Variants in TEX9 observed in about 807,000 individuals in gnomAD.
TEX9 encodes the protein testis expressed 9, also known as testis-expressed protein 9.
In TEX9, 74 loss-of-function variants were observed where a neutral mutation model predicts 59.6. The observed-to-expected ratio is 1.24, with a 90% confidence interval of 1.03 to 1.51. TEX9 has a LOEUF of 1.51. Ranked by LOEUF, TEX9 falls within the 40% of genes most tolerant of loss-of-function variation. The probability of loss-of-function intolerance (pLI) is 0.00; values close to 1 mark genes in which losing one functional copy is unlikely to be tolerated. For synonymous variants in TEX9, 186 were observed against 152.2 expected (o/e 1.22, Z -1.64); for missense variants, 522 against 447.8 (o/e 1.17, Z -1.49).
At chr15:56,370,846 C>A (rs1278074281) in intron 2 of TEX9, among the ~76,000 whole-genome samples, 1 of 152,028 alleles carries the variant, frequency 6.6e-6, no homozygotes, top group African/African-American at 2.4e-5. Context: ...TCATTCTCTC[C>A]TCTTGGGATT....
At chr15:56,260,836 G>A (rs2044249519) in intron 1 of TEX9, among the ~76,000 whole-genome samples, 1 of 151,824 alleles carries the variant, frequency 6.6e-6, no homozygotes, top group Non-Finnish European at 1.5e-5. Flanking sequence ...TTTCTTAAAT[G>A]TTTTGGAGAA....
intron 4 of TEX9, among the ~76,000 whole-genome samples, chr15:56,387,812 C>CA (rs1211908495): frequency 1.3e-5 from 2 of 151,920 alleles, no homozygotes; most frequent in East Asian, 3.8e-4. Flanking sequence ...ATAGATAATA[C>CA]ATAAATGAGT....
intron 1 of TEX9, among the ~76,000 whole-genome samples, chr15:56,327,614 A>G (rs2046046736): frequency 6.6e-6 from 1 of 152,184 alleles, no homozygotes; most frequent in Non-Finnish European, 1.5e-5. Context: ...AAGAAAGACA[A>G]TCTCGAACTG....
downstream of TEX9, chr15:56,446,761 T>G (rs2050907425): frequency 1.9e-6 from 2 of 1,039,668 alleles, no homozygotes; most frequent in Non-Finnish European, 2.9e-6. Flanking sequence ...CTTTATACAA[T>G]ATGACAATTT....
At chr15:56,431,565 ACTACT>A in intron 12 of TEX9, 1 of 1,525,968 alleles carries the variant, frequency 6.6e-7, no homozygotes, top group South Asian at 1.2e-5. Flanking sequence ...TTCAAATAAA[ACTACT>A]CATGCAATGA....
chr15:56,394,650 TA>T lies in TEX9; in HGVS notation c.655-10del. 6.5e-7 allele frequency: 1 copy of T among 1,529,002 alleles called. No homozygotes were observed. The highest frequency in any genetic ancestry group is 1.2e-5 in the South Asian group (1 of 83,016). 94.7% of individuals were successfully genotyped at this position (1,529,002 alleles called of 1,614,324 possible). Reference sequence around the variant, plus strand: ...TATTTTTTCACATAATCTATAACTTTATAACTATAGGAGGATGAAATTCAGA... The same window carrying T: ...TATTTTTTCACATAATCTATAACTTTTAACTATAGGAGGATGAAATTCAGA... On this transcript the variant is annotated splice_polypyrimidine_tract_variant and intron_variant, in intron 8 of 12. Coordinates refer to ENST00000352903, the Ensembl canonical transcript of TEX9.
intron 2 of TEX9, among the ~76,000 whole-genome samples, chr15:56,371,018 G>A (rs1275349724): frequency 6.6e-6 from 1 of 151,990 alleles, no homozygotes; most frequent in Non-Finnish European, 1.5e-5. Flanking sequence ...CACCACACCT[G>A]GCTAATTTTT....
chr15:56,296,923 C>T (rs977999656), intron 1 of TEX9, among the ~76,000 whole-genome samples: 4 of 151,756 alleles, frequency 2.6e-5, no homozygotes, highest in South Asian at 2.1e-4. Context: ...GAATATTGAA[C>T]GTAGATGTTA....
intron 1 of TEX9, among the ~76,000 whole-genome samples, chr15:56,348,979 G>T (rs1419689775): frequency 6.6e-6 from 1 of 151,322 alleles, no homozygotes; most frequent in Non-Finnish European, 1.5e-5. Flanking sequence ...CTATCTTCAG[G>T]TTCACTAACC....
At chr15:56,314,928 C>G (rs1245678848) in intron 1 of TEX9, among the ~76,000 whole-genome samples, 2 of 151,438 alleles carry the variant, frequency 1.3e-5, no homozygotes. Flanking sequence ...CTCTTTTGAT[C>G]TTTGTTGGTT....
chr15:56,400,831 C>G (rs1457312461), intron 9 of TEX9, among the ~76,000 whole-genome samples: 1 of 152,116 alleles, frequency 6.6e-6, no homozygotes, highest in East Asian at 1.9e-4. Flanking sequence ...GACCGATATT[C>G]AACATCCTTA....
intron 1 of TEX9, among the ~76,000 whole-genome samples, chr15:56,320,148 A>G (rs2045871070): frequency 1.3e-5 from 2 of 152,162 alleles, no homozygotes; most frequent in South Asian, 4.1e-4. Context: ...TATTTTGTCT[A>G]GTATTAGATA....
chr15:56,328,141 C>G (rs1596093125), intron 1 of TEX9, among the ~76,000 whole-genome samples: 2 of 152,004 alleles, frequency 1.3e-5, no homozygotes, highest in Middle Eastern at 3.4e-3. Context: ...ATCATGGATA[C>G]CAGCTCAGCC....
At chr15:56,259,529 C>T (rs868074060) in intron 1 of TEX9, among the ~76,000 whole-genome samples, 1 of 151,996 alleles carries the variant, frequency 6.6e-6, no homozygotes, top group South Asian at 2.1e-4. Flanking sequence ...TACAAAATTG[C>T]AGTGGCATCA....
intron 1 of TEX9, among the ~76,000 whole-genome samples, chr15:56,282,063 C>T (rs1363135995): frequency 4.6e-5 from 7 of 152,028 alleles, no homozygotes; most frequent in African/African-American, 1.7e-4. Context: ...AGTAATCCTT[C>T]TTATTTAACA....
intron 2 of TEX9, among the ~76,000 whole-genome samples, chr15:56,370,020 C>G (rs2047121029): frequency 6.6e-6 from 1 of 152,080 alleles, no homozygotes; most frequent in South Asian, 2.1e-4. Flanking sequence ...TGTCATTTAT[C>G]AGTAAGAGCA....
chr15:56,384,234 C>T (rs185183736), intron 4 of TEX9, among the ~76,000 whole-genome samples: 1 of 152,142 alleles, frequency 6.6e-6, no homozygotes, highest in East Asian at 1.9e-4. Context: ...ATATTCTTGT[C>T]CTCATTTTTA....
At chr15:56,248,368 G>A (rs1226976116) in intron 1 of TEX9, among the ~76,000 whole-genome samples, 3 of 152,130 alleles carry the variant, frequency 2.0e-5, no homozygotes, top group Admixed American at 2.0e-4. Flanking sequence ...CCAGTGTTAA[G>A]GCTAAGTAGC....
downstream of TEX9, among the ~76,000 whole-genome samples, chr15:56,449,456 TG>T: frequency 6.6e-6 from 1 of 152,324 alleles, no homozygotes; most frequent in South Asian, 2.1e-4. Flanking sequence ...AAATTAAATT[TG>T]GTCAGGATGA....
Sources: gnomAD v4.1 joint callset for allele counts (sites outside exome capture counted in the v4.1 genomes callset) on GRCh38, gnomAD v4.1.1 for gene constraint, MANE v1.5 for transcripts, NCBI Gene and HGNC (gene_info 2026-07-23, HGNC 2026-07-21) for gene names.